The following POU6F2 variants were observed in gnomAD, a reference collection of about 807,000 sequenced individuals.
POU6F2 encodes the protein POU domain, class 6, transcription factor 2.
In POU6F2, 31 loss-of-function variants were observed where a neutral mutation model predicts 71.3. The ratio of observed to expected loss-of-function variants is 0.43; its 90% CI spans 0.33 to 0.59. The LOEUF (loss-of-function observed/expected upper bound fraction) is 0.59. POU6F2 is among the 20% of genes least tolerant of loss of function. POU6F2 has a pLI of 0.04. For missense variants in POU6F2, 783 were observed against 856.8 expected (o/e 0.91, Z 1.07); for synonymous variants, 347 against 355.7 (o/e 0.98, Z 0.27).
At chr7:39,387,313 T>G (rs1786966431) in intron 5 of POU6F2, among the ~76,000 whole-genome samples, 1 of 152,208 alleles carries the variant, frequency 6.6e-6, no homozygotes, top group Non-Finnish European at 1.5e-5. Context: ...AAGAACCATT[T>G]CATAGTTTTC....
chr7:39,086,012 C>T lies in POU6F2; in HGVS notation c.258C>T (p.Asp86=), dbSNP rs1057133577. ...CTGTGGAATCAAATGACAGCGAGGACACTCCCAGCAAGCTCTTCGGTAAGT... is the reference window on the plus strand; with the variant it reads ...CTGTGGAATCAAATGACAGCGAGGATACTCCCAGCAAGCTCTTCGGTAAGT... The part of the protein sequence containing the change: ...LAPVESNDSE[D]TPSKLFGARG... The change falls in exon 2 of 10, where the codon GAC becomes GAT. Residue 86 remains aspartate, a synonymous_variant. Coordinates refer to ENST00000518318, the MANE Select transcript of POU6F2 (RefSeq NM_001370959.1). 1.1e-5 allele frequency: 18 copies of T among 1,613,478 alleles called. No individual in the cohort carries two copies. Among genetic ancestry groups the T allele is most frequent in the Non-Finnish European group, 1.5e-5 (18 of 1,179,742 alleles).
chr7:39,137,052 C>G (rs1483821104), intron 2 of POU6F2, among the ~76,000 whole-genome samples: 6 of 146,074 alleles, frequency 4.1e-5, no homozygotes, highest in Non-Finnish European at 9.0e-5. Context: ...ATGTTCCTTA[C>G]AACATTGTTA....
At chr7:39,336,744 C>G (rs1562794880) in intron 4 of POU6F2, among the ~76,000 whole-genome samples, 1 of 152,194 alleles carries the variant, frequency 6.6e-6, no homozygotes, top group African/African-American at 2.4e-5. Context: ...CACCAGTTTG[C>G]CAGCCATGCC....
intron 1 of POU6F2, among the ~76,000 whole-genome samples, chr7:38,978,978 C>T (rs1788246794): frequency 6.6e-6 from 1 of 152,114 alleles, no homozygotes; most frequent in Admixed American, 6.5e-5. Context: ...TTTCATTTGC[C>T]TTCAGATAAC....
intron 2 of POU6F2, among the ~76,000 whole-genome samples, chr7:39,132,091 A>G (rs1431521345): frequency 1.3e-5 from 2 of 152,222 alleles, no homozygotes; most frequent in African/African-American, 4.8e-5. Context: ...ATCAAATACT[A>G]GGCCATATGA....
In POU6F2 at chr7:39,118,414, GA is replaced by G. The variant is rs770114747; in HGVS notation, c.277+32392del. 1.9e-3 allele frequency among the ~76,000 whole-genome samples: 281 copies of G among 151,104 alleles called. 1 individual carries two copies. The highest frequency in any genetic ancestry group is 3.3e-3 in the Non-Finnish European group (223 of 67,748). ...TGTATACAGCAACATAAAACTTGGA[GA>G]AAAAAAAATCCCCTCAACAACATAA... is the stretch of plus-strand genomic sequence containing the variant. On this transcript the variant is annotated intron_variant, in intron 2 of 9. Transcript: ENST00000518318.
At chr7:39,012,508 CCTT>C (rs1349717194) in intron 1 of POU6F2, among the ~76,000 whole-genome samples, 1 of 151,448 alleles carries the variant, frequency 6.6e-6, no homozygotes, top group African/African-American at 2.4e-5. Flanking sequence ...TCGTCTGAAG[CCTT>C]CTTCTCTCAG....
In POU6F2 at chr7:39,016,156, G is replaced by A. The variant is rs555019781; in HGVS notation, c.105+38098G>A. Among the ~76,000 whole-genome samples the A allele has an allele frequency of 1.3e-3, 128 of 99,876 alleles. 4 individuals carry two copies. In the Middle Eastern group the frequency reaches 0.018, roughly 14 times the overall value. 65.5% of individuals were successfully genotyped at this position (99,876 alleles called of 152,430 possible). On this transcript the variant is annotated intron_variant, in intron 1 of 9. Transcript: ENST00000518318. ...ATACATTATATCTATATTATATATA[G>A]ATATAATATTATGTATAGATACATT...
In POU6F2 at chr7:39,421,068, C is replaced by G. The variant is rs147683847; in HGVS notation, c.1114-12009C>G. Among the ~76,000 whole-genome samples the G allele has an allele frequency of 6.1e-3, 932 of 152,216 alleles. 12 individuals are homozygous for G. The highest frequency in any genetic ancestry group is 0.018 in the African/African-American group (748 of 41,546). On this transcript the variant is annotated intron_variant, in intron 6 of 9. Transcript: ENST00000518318. Reference sequence around the variant, plus strand: ...TGGAAGAGTATATCCAGCCCTCTTTCCATACATCTATCAAAAACTGCCTAA... The same window carrying G: ...TGGAAGAGTATATCCAGCCCTCTTTGCATACATCTATCAAAAACTGCCTAA...
intron 6 of POU6F2, among the ~76,000 whole-genome samples, chr7:39,419,047 GTATACACATA>G (rs750951946): frequency 6.1e-4 from 83 of 137,044 alleles, no homozygotes; most frequent in Middle Eastern, 8.5e-3. Context: ...ACATATATAT[GTATACACATA>G]TATACACATA....
At chr7:39,379,700 T>C (rs1052507787) in intron 5 of POU6F2, among the ~76,000 whole-genome samples, 1 of 152,162 alleles carries the variant, frequency 6.6e-6, no homozygotes, top group African/African-American at 2.4e-5. Context: ...AAAAAAAAAT[T>C]TTAAACACAA....
intron 4 of POU6F2, among the ~76,000 whole-genome samples, chr7:39,260,808 C>T (rs1784122817): frequency 6.6e-6 from 1 of 152,054 alleles, no homozygotes; most frequent in South Asian, 2.1e-4. Context: ...ATATGACATA[C>T]ATACATCACA....
chr7:39,269,853 T>G (rs1298962455), intron 4 of POU6F2, among the ~76,000 whole-genome samples: 2 of 152,188 alleles, frequency 1.3e-5, no homozygotes, highest in East Asian at 3.9e-4. Context: ...GTATGTGTGT[T>G]GCTATTGTGA....
At chr7:39,023,418 C>T (rs747613770) in intron 1 of POU6F2, among the ~76,000 whole-genome samples, 2 of 152,014 alleles carry the variant, frequency 1.3e-5, no homozygotes, top group Admixed American at 6.6e-5. Context: ...CCTCAGTGAA[C>T]ATGTGGCAAT....
chr7:38,986,299 C>G (rs186384583), intron 1 of POU6F2, among the ~76,000 whole-genome samples: 8 of 152,156 alleles, frequency 5.3e-5, no homozygotes, highest in Non-Finnish European at 1.0e-4. Flanking sequence ...GCTCAAGAGA[C>G]GCTCCCACCT....
At chr7:39,059,331 A>G (rs938344177) in intron 1 of POU6F2, among the ~76,000 whole-genome samples, 1 of 152,140 alleles carries the variant, frequency 6.6e-6, no homozygotes, top group Admixed American at 6.6e-5. Flanking sequence ...GAGACTCAAG[A>G]GAACAAAGAA....
At chr7:38,997,604 C>T (rs112575804) in intron 1 of POU6F2, among the ~76,000 whole-genome samples, 3 of 152,112 alleles carry the variant, frequency 2.0e-5, no homozygotes, top group African/African-American at 7.2e-5. Flanking sequence ...GGGATTACCC[C>T]CTATGTAGAT....
chr7:39,286,705 T>A (rs924884038), intron 4 of POU6F2, among the ~76,000 whole-genome samples: 5 of 152,184 alleles, frequency 3.3e-5, no homozygotes, highest in African/African-American at 1.2e-4. Context: ...TTCCAAAGTG[T>A]GTCCCAAGGA....
chr7:39,161,202 T>G (rs150970303), intron 2 of POU6F2, among the ~76,000 whole-genome samples: 8 of 152,324 alleles, frequency 5.3e-5, no homozygotes, highest in Admixed American at 5.2e-4. Flanking sequence ...TTTCTCCTGT[T>G]TGCCTTTTCT....
Sources: gnomAD v4.1 joint callset for allele counts (sites outside exome capture counted in the v4.1 genomes callset) on GRCh38, gnomAD v4.1.1 for gene constraint, MANE v1.5 for transcripts, NCBI Gene and HGNC (gene_info 2026-07-23, HGNC 2026-07-21) for gene names.